The following TEDC2 variants were observed in gnomAD, a reference collection of about 807,000 sequenced individuals.
TEDC2 encodes tubulin epsilon and delta complex protein 2.
Under a neutral mutation model 48.1 loss-of-function variants are expected in TEDC2, and 49 were observed. That is an observed-to-expected ratio of 1.02 (90% CI 0.81 to 1.29). The LOEUF is 1.29. TEDC2 is among the 50% of genes most tolerant of loss of function. The probability of loss-of-function intolerance (pLI) is 0.00; values close to 1 mark genes in which losing one functional copy is unlikely to be tolerated. For missense variants in TEDC2, 631 were observed against 571.4 expected, an observed-to-expected ratio of 1.10 and a Z score of -1.06; for synonymous variants, 299 against 247.1, an observed-to-expected ratio of 1.21 and a Z score of -1.97.
rs2065488825 is a variant in TEDC2 at position 2,464,587 on chromosome 16, C to T, written c.1221C>T (p.Ala407=). 3 of 1,609,968 alleles carry T rather than the reference C, an allele frequency of 1.9e-6. No individual in the cohort carries two copies. The highest frequency in any genetic ancestry group is 1.7e-6 in the Non-Finnish European group (2 of 1,179,724). The change falls in exon 10 of 10, where the codon GCC becomes GCT. Residue 407 remains alanine, a synonymous_variant. Coordinates refer to ENST00000361837, the MANE Select transcript of TEDC2 (RefSeq NM_025108.3). ...AGCCGCAGGGGCCGCCCTGGCTGGC[C>T]CTGTGCCGGGCTGTGCACAGCCTGC... The part of the protein sequence containing the change: ...AAQPQGPPWL[A]LCRAVHSLLC...
At chr16:2,460,748 T>G in intron 3 of TEDC2, 55 bp downstream of exon 3, 4 of 1,612,224 alleles carry the variant, frequency 2.5e-6, no homozygotes. Flanking sequence ...TCTGCTGGCG[T>G]GCAGTTGTGA....
At chr16:2,463,865 C>G in intron 8 of TEDC2, 174 bp from the exon 9 acceptor site, 2 of 686,926 alleles carry the variant, frequency 2.9e-6, no homozygotes, top group Non-Finnish European at 4.8e-6. Context: ...AGAGGACTCC[C>G]TGCCAGCAAG....
At chr16:2,463,553 G>A (rs2065480732) in intron 8 of TEDC2, among the ~76,000 whole-genome samples, 1 of 151,222 alleles carries the variant, frequency 6.6e-6, no homozygotes. Context: ...CTTGAATCCA[G>A]AAGGCAGAGA....
rs1487662369 is a variant in TEDC2, at chr16:2,460,856, T to G, written c.237T>G (p.Phe79Leu). 3 of 1,613,374 alleles carry G rather than the reference T, an allele frequency of 1.9e-6. No homozygotes were observed. The highest frequency in any genetic ancestry group is 2.5e-6 in the Non-Finnish European group (3 of 1,179,948). ...PSPQDLKELE[F>L]LTQALEKAVR... ...CACAAGACCTCAAAGAGTTGGAGTT[T>G]CTGACCCAGGCACTGGAGAAGGCTG... Residue 79 changes from phenylalanine (F) to leucine (L), a missense_variant, in exon 4 of 10, where the codon TTT becomes TTG. Physicochemically the swap from Phe to Leu is conservative, Grantham distance 22 (BLOSUM62 0). Transcript: ENST00000361837.
chr16:2,460,122 T>C lies in TEDC2; in HGVS notation c.-23T>C. On this transcript the variant is annotated 5_prime_UTR_variant, in exon 1 of 10. Coordinates refer to ENST00000361837, the MANE Select transcript of TEDC2 (RefSeq NM_025108.3). ...GCGTGGCTCTTCAGAGGCGGCAAAT[T>C]GCAAGGAGACGCCGCCGCCTTCATG... is the stretch of plus-strand genomic sequence containing the variant. 1 of 1,338,180 alleles carries C rather than the reference T, an allele frequency of 7.5e-7. No homozygotes were observed. The highest frequency in any genetic ancestry group is 9.5e-7 in the Non-Finnish European group (1 of 1,052,778). 82.9% of individuals were successfully genotyped at this position (1,338,180 alleles called of 1,614,324 possible).
At chr16:2,461,718 G>A (rs551671919) in intron 4 of TEDC2, 29 bp from the exon 5 acceptor site, 1 of 1,612,818 alleles carries the variant, frequency 6.2e-7, no homozygotes, top group South Asian at 1.1e-5. Context: ...GCAAGGCGAT[G>A]CTCCTCTGAA....
At chr16:2,460,439 C>G (rs2065458652) in intron 2 of TEDC2, 58 bp downstream of exon 2, 1 of 1,534,424 alleles carries the variant, frequency 6.5e-7, no homozygotes, top group Admixed American at 2.0e-5. Flanking sequence ...AGTCCCGCCC[C>G]GAGCGCCCAG....
In TEDC2 at chr16:2,464,796, A is replaced by C; in HGVS notation, c.*128A>C. The C allele has an allele frequency of 8.3e-6, 11 of 1,320,506 alleles. No individual in the cohort carries two copies. The highest frequency in any genetic ancestry group is 1.0e-5 in the Non-Finnish European group (10 of 962,420). The allele number at this position is 1,320,506 out of a possible 1,614,324, so 81.8% of individuals were successfully genotyped here. On this transcript the variant is annotated 3_prime_UTR_variant, in exon 10 of 10. Transcript: ENST00000361837. ...CTGGTGAACTGGACCAGGTGGCCTC[A>C]CTGGCTCTTCTCAGGACAACTAAGC... is the stretch of plus-strand genomic sequence containing the variant.
intron 9 of TEDC2, 68 bp from the exon 10 acceptor site, chr16:2,464,454 G>T: frequency 6.8e-7 from 1 of 1,470,254 alleles, no homozygotes; most frequent in Non-Finnish European, 9.1e-7. Context: ...GGGCCTCGAA[G>T]CCTGTCCCAG....
At chr16:2,464,478 C>T in intron 9 of TEDC2, 44 bp from the exon 10 acceptor site, 2 of 1,515,872 alleles carry the variant, frequency 1.3e-6, no homozygotes, top group South Asian at 1.3e-5. Context: ...TGCCCCCCGC[C>T]TAGGTGCCCC....
At chr16:2,461,864 G>A in intron 5 of TEDC2, 64 bp downstream of exon 5, 1 of 1,582,688 alleles carries the variant, frequency 6.3e-7, no homozygotes, top group Non-Finnish European at 8.7e-7. Context: ...CCAGCTCGGG[G>A]ACAGGTTCGA....
chr16:2,463,852 C>A (rs923984509), intron 8 of TEDC2, 187 bp from the exon 9 acceptor site: 3 of 620,838 alleles, frequency 4.8e-6, no homozygotes, highest in East Asian at 5.7e-5. Context: ...AGGGCCACCC[C>A]ACAGAGGACT....
chr16:2,460,569 G>C (rs2065459495), intron 2 of TEDC2, 54 bp from the exon 3 acceptor site: 13 of 1,607,710 alleles, frequency 8.1e-6, no homozygotes, highest in African/African-American at 4.0e-5. Flanking sequence ...CCTCGGGTCT[G>C]TTTGGGCTGG....
chr16:2,460,528 G>A (rs1417266156), intron 2 of TEDC2, 95 bp from the exon 3 acceptor site: 2 of 1,553,128 alleles, frequency 1.3e-6, no homozygotes, highest in Non-Finnish European at 1.7e-6. Flanking sequence ...CAGGCTCTGA[G>A]CTGGGGGCCT....
chr16:2,464,423 GGGAGGAGGGCTGAA>G, intron 9 of TEDC2, 85 bp from the exon 10 acceptor site: 1 of 1,387,358 alleles, frequency 7.2e-7, no homozygotes, highest in Non-Finnish European at 9.7e-7. Context: ...CTCAGAAGGA[GGGAGGAGGGCTGAA>G]GCATGGGGGC....
At position 2,461,655 on chromosome 16, in the gene TEDC2, A is replaced by C. The variant is rs1029338783; in HGVS notation, c.606-92A>C. 1.9e-5 allele frequency: 29 copies of C among 1,497,054 alleles called. No individual in the cohort carries two copies. In the Admixed American group the frequency reaches 4.7e-4, roughly 24 times the overall value. 92.7% of individuals were successfully genotyped at this position (1,497,054 alleles called of 1,614,324 possible). On this transcript the variant is annotated intron_variant, in intron 4 of 9. Coordinates refer to ENST00000361837, the MANE Select transcript of TEDC2 (RefSeq NM_025108.3). ...GGTCGGGTGTGGGAGAGGGGCAAGA[A>C]GCCTCATCCCTGATTGGGCTCTGAG... is the stretch of plus-strand genomic sequence containing the variant.
Position 2,464,553 on chromosome 16 carries a change from G to C in TEDC2, c.1187G>C (p.Ser396Thr), listed in dbSNP as rs1369964745. The change falls in exon 10 of 10, where the codon AGC (serine) becomes ACC (threonine). Residue 396 changes from serine to threonine, a missense_variant. Ser to Thr is a moderately conservative substitution (Grantham distance 58). Coordinates refer to ENST00000361837, the MANE Select transcript of TEDC2 (RefSeq NM_025108.3). ...VLMAELLPLV[S>T]AAQPQGPPWL... Reference sequence around the variant, plus strand: ...ATGGCTGAACTCCTCCCCCTGGTAAGCGCTGCACAGCCGCAGGGGCCGCCC... The same window carrying C: ...ATGGCTGAACTCCTCCCCCTGGTAACCGCTGCACAGCCGCAGGGGCCGCCC... 6 of 1,596,362 alleles carry C rather than the reference G, an allele frequency of 3.8e-6. No individual in the cohort carries two copies. The highest frequency in any genetic ancestry group is 5.1e-6 in the Non-Finnish European group (6 of 1,176,366).
intron 5 of TEDC2, 73 bp downstream of exon 5, chr16:2,461,873 G>A (rs1196737799): frequency 1.2e-5 from 18 of 1,559,156 alleles, no homozygotes; most frequent in East Asian, 2.2e-5. Flanking sequence ...GGACAGGTTC[G>A]AGATACTTTC....
At chr16:2,463,060 G>A (rs1231868791) in intron 8 of TEDC2, among the ~76,000 whole-genome samples, 5 of 152,214 alleles carry the variant, frequency 3.3e-5, no homozygotes, top group Middle Eastern at 3.2e-3. Context: ...GGTGGCTCAC[G>A]CCTGTAATCC....
Sources: gnomAD v4.1 joint callset for allele counts (sites outside exome capture counted in the v4.1 genomes callset) on GRCh38, gnomAD v4.1.1 for gene constraint, MANE v1.5 for transcripts, NCBI Gene and HGNC (gene_info 2026-07-23, HGNC 2026-07-21) for gene names.